FBXL13: variants seen among roughly 807,000 people sequenced by gnomAD.
FBXL13 encodes the protein F-box and leucine rich repeat protein 13, also known as F-box and leucine-rich repeat protein 13.
Under a neutral mutation model 83.6 loss-of-function variants are expected in FBXL13, and 67 were observed. That is an observed-to-expected ratio of 0.80 (90% CI 0.66 to 0.98). The LOEUF is 0.98. Among genes scored for constraint, FBXL13 ranks in the 50% least tolerant of loss-of-function variants. The pLI is 0.00. For missense variants in FBXL13, 822 were observed against 866.5 expected (o/e 0.95, Z 0.64); for synonymous variants, 272 against 299.5 (o/e 0.91, Z 0.95).
rs147034805 is a variant in FBXL13, at chr7:102,990,023, C to T, written c.496-21906G>A. ...CCAGTTGACTCTCCCGACATTACTG[C>T]ACATCATAAGTAGCACTGGCTTCAC... On this transcript the variant is annotated intron_variant, in intron 6 of 19. Coordinates refer to ENST00000313221, the Ensembl canonical transcript of FBXL13. Among the ~76,000 whole-genome samples the T allele has an allele frequency of 7.1e-3, 1,089 of 152,318 alleles. 10 individuals carry two copies. The highest frequency in any genetic ancestry group is 0.025 in the African/African-American group (1,028 of 41,552).
chr7:103,018,155 G>C (rs1032155292), intron 6 of FBXL13, among the ~76,000 whole-genome samples: 5 of 152,222 alleles, frequency 3.3e-5, no homozygotes, highest in African/African-American at 1.2e-4. Flanking sequence ...CCAGAAGAGA[G>C]TGGGGGCCAA....
intron 4 of FBXL13, 43 bp from the exon 6 acceptor site, chr7:103,027,601 AGCTGTTTCC>A: frequency 7.8e-7 from 1 of 1,279,786 alleles, no homozygotes; most frequent in Non-Finnish European, 1.1e-6. Flanking sequence ...TAATAGTTAT[AGCTGTTTCC>A]AAAAAACACA....
chr7:102,822,157 A>G, exon 19 of FBXL13: 1 of 1,614,158 alleles, frequency 6.2e-7, no homozygotes, highest in Non-Finnish European at 8.5e-7. Context: ...CAAAATGTGC[A>G]GGTAATGGCA....
At chr7:102,999,260 G>C (rs1790144447) in intron 6 of FBXL13, among the ~76,000 whole-genome samples, 1 of 152,086 alleles carries the variant, frequency 6.6e-6, no homozygotes, top group Non-Finnish European at 1.5e-5. Flanking sequence ...TTGCATCCCT[G>C]GGATGAATCC....
chr7:102,933,885 G>A (rs1185837608), intron 8 of FBXL13: 28 of 1,563,524 alleles, frequency 1.8e-5, no homozygotes, highest in Admixed American at 1.5e-4. Flanking sequence ...TCTGTAACAC[G>A]AAGTAATTGG....
intron 16 of FBXL13, among the ~76,000 whole-genome samples, chr7:102,858,025 A>C (rs1363410086): frequency 6.6e-6 from 1 of 152,236 alleles, no homozygotes; most frequent in Non-Finnish European, 1.5e-5. Context: ...CACTACTCAC[A>C]ATAGCTAAGA....
At chr7:102,831,107 A>G (rs992389505) in intron 18 of FBXL13, among the ~76,000 whole-genome samples, 1 of 152,184 alleles carries the variant, frequency 6.6e-6, no homozygotes, top group African/African-American at 2.4e-5. Context: ...GGGTTCCCAG[A>G]GAAGAGGCTA....
intron 7 of FBXL13, among the ~76,000 whole-genome samples, chr7:102,964,521 G>A (rs1825770961): frequency 6.6e-6 from 1 of 150,954 alleles, no homozygotes; most frequent in Admixed American, 6.6e-5. Context: ...TCCTGCCTCA[G>A]CCTCCCAAGT....
intron 11 of FBXL13, among the ~76,000 whole-genome samples, chr7:102,884,956 AGCAT>A (rs1810601209): frequency 6.6e-6 from 1 of 152,176 alleles, no homozygotes; most frequent in Non-Finnish European, 1.5e-5. Flanking sequence ...TGCACATTGT[AGCAT>A]GCATGAACAC....
chr7:102,972,855 C>A (rs1049956270), intron 6 of FBXL13, among the ~76,000 whole-genome samples: 1 of 151,652 alleles, frequency 6.6e-6, no homozygotes, highest in Non-Finnish European at 1.5e-5. Flanking sequence ...CCTAAAAATG[C>A]TTTTTGCTTT....
At chr7:102,881,875 C>T (rs1037370265) in intron 14 of FBXL13, among the ~76,000 whole-genome samples, 1 of 152,166 alleles carries the variant, frequency 6.6e-6, no homozygotes, top group African/African-American at 2.4e-5. Flanking sequence ...TTTCCTAATC[C>T]AGGTTTTTCC....
chr7:103,017,532 A>G (rs1242910646), intron 6 of FBXL13, among the ~76,000 whole-genome samples: 2 of 152,242 alleles, frequency 1.3e-5, no homozygotes. Flanking sequence ...TCTCCAAGCT[A>G]AAGAGGAAGT....
intron 8 of FBXL13, among the ~76,000 whole-genome samples, chr7:102,938,012 T>C (rs571870973): frequency 6.6e-6 from 1 of 152,338 alleles, no homozygotes; most frequent in East Asian, 1.9e-4. Flanking sequence ...CTATGTATTT[T>C]TGCCTTAAAT....
chr7:102,924,646 T>C (rs1228259868), intron 10 of FBXL13, among the ~76,000 whole-genome samples: 3 of 148,510 alleles, frequency 2.0e-5, no homozygotes, highest in African/African-American at 4.9e-5. Context: ...CTTTTCTTTT[T>C]TTTTTTTTTT....
At chr7:102,926,372 A>G (rs754794860) in exon 10 of FBXL13, 16 of 1,612,112 alleles carry the variant, frequency 9.9e-6, no homozygotes, top group Admixed American at 1.7e-5. Context: ...TCATTGATTC[A>G]TCCTGCATGA....
At chr7:102,850,061 A>C (rs548349792) in intron 17 of FBXL13, among the ~76,000 whole-genome samples, 1 of 152,306 alleles carries the variant, frequency 6.6e-6, no homozygotes, top group South Asian at 2.1e-4. Context: ...AGAACAACTA[A>C]TCTTTTAGAT....
At chr7:102,852,585 A>G (rs781050019) in intron 17 of FBXL13, among the ~76,000 whole-genome samples, 1 of 152,228 alleles carries the variant, frequency 6.6e-6, no homozygotes, top group Non-Finnish European at 1.5e-5. Context: ...ATATGAAAAA[A>G]AATGCTCAAC....
chr7:102,952,561 AC>A (rs1179218054), intron 8 of FBXL13, among the ~76,000 whole-genome samples: 1 of 152,264 alleles, frequency 6.6e-6, no homozygotes, highest in Non-Finnish European at 1.5e-5. Flanking sequence ...TTGTACCCCA[AC>A]AAATTAGATA....
intron 6 of FBXL13, among the ~76,000 whole-genome samples, chr7:102,989,883 A>T (rs1361226948): frequency 6.6e-6 from 1 of 152,192 alleles, no homozygotes; most frequent in Non-Finnish European, 1.5e-5. Context: ...AAATTGCTGT[A>T]TATGTAGAAT....
Sources: gnomAD v4.1 joint callset for allele counts (sites outside exome capture counted in the v4.1 genomes callset) on GRCh38, gnomAD v4.1.1 for gene constraint, MANE v1.5 for transcripts, NCBI Gene and HGNC (gene_info 2026-07-23, HGNC 2026-07-21) for gene names.